ZNF804A: variants seen among roughly 807,000 people sequenced by gnomAD.
The protein encoded by ZNF804A is zinc finger protein 804A.
In ZNF804A, 2 loss-of-function variants were observed where a neutral mutation model predicts 16.5. The ratio of observed to expected loss-of-function variants is 0.12; its 90% CI spans 0.05 to 0.38. The LOEUF is 0.38. ZNF804A is among the 10% of genes least tolerant of loss of function. The pLI, the probability that ZNF804A is intolerant of heterozygous loss-of-function variation, is 0.99. For missense variants in ZNF804A, 1,473 were observed against 1,390.7 expected, an observed-to-expected ratio of 1.06 and a Z score of -0.94; for synonymous variants, 534 against 489.6, an observed-to-expected ratio of 1.09 and a Z score of -1.20.
rs143793857 is a variant in ZNF804A, at chr2:184,850,063, G to A, written c.112-16306G>A. ...TAGAGTAGAATGATGGTTACCAGCAGCAGGGAAGGGTAGTAGGGAGTGGGG... is the reference window on the plus strand; with the variant it reads ...TAGAGTAGAATGATGGTTACCAGCAACAGGGAAGGGTAGTAGGGAGTGGGG... On this transcript the variant is annotated intron_variant, in intron 1 of 3. Transcript: ENST00000302277. 9.1e-3 allele frequency among the ~76,000 whole-genome samples: 1,379 copies of A among 151,876 alleles called. 22 individuals carry two copies. The highest frequency in any genetic ancestry group is 0.032 in the African/African-American group (1,318 of 41,474).
In ZNF804A at chr2:184,859,858, G is replaced by A. The variant is rs554092306; in HGVS notation, c.112-6511G>A. ...TCCTGCTGCCTAGGTCAGGAGGTAG[G>A]TGGGCCTAGTACCTATGGCTTTCCT... On this transcript the variant is annotated intron_variant, in intron 1 of 3. Coordinates refer to ENST00000302277, the MANE Select transcript of ZNF804A (RefSeq NM_194250.2). 2.6e-5 allele frequency among the ~76,000 whole-genome samples: 4 copies of A among 152,338 alleles called. No individual in the cohort carries two copies. In the South Asian group the frequency reaches 8.3e-4, roughly 32 times the overall value.
intron 1 of ZNF804A, among the ~76,000 whole-genome samples, chr2:184,754,526 A>G (rs1693928364): frequency 6.6e-6 from 1 of 151,758 alleles, no homozygotes; most frequent in Non-Finnish European, 1.5e-5. Context: ...TATTTCAGCT[A>G]TTGGTTTCTT....
At chr2:184,659,472 T>C (rs115298305) in intron 1 of ZNF804A, among the ~76,000 whole-genome samples, 2,692 of 152,052 alleles carry the variant, frequency 0.018, 57 homozygotes, top group African/African-American at 0.061. Context: ...TATACCTATA[T>C]ATAAAACAAA....
chr2:184,920,438 G>A (rs756811934), intron 2 of ZNF804A, among the ~76,000 whole-genome samples: 2 of 152,078 alleles, frequency 1.3e-5, no homozygotes, highest in Non-Finnish European at 2.9e-5. Flanking sequence ...GTTACTTTAC[G>A]TTTCTTAAAT....
chr2:184,788,887 G>A (rs926362912), intron 1 of ZNF804A, among the ~76,000 whole-genome samples: 2 of 152,054 alleles, frequency 1.3e-5, no homozygotes. Context: ...AGTGGTGAGA[G>A]CAGACAGACA....
At position 184,866,413 on chromosome 2, in the gene ZNF804A, T is replaced by C; in HGVS notation, c.156T>C (p.Asp52=). Residue 52 remains aspartate, a synonymous_variant, in exon 2 of 4, where the codon GAT becomes GAC. Transcript: ENST00000302277. ...ATACCATAGCAAAAGCTCTGGAAGA[T>C]CTGAAGGCAAATTTTTACTGTGAAC... ...KENTIAKALE[D]LKANFYCELC... The C allele has an allele frequency of 6.2e-7, 1 of 1,613,276 alleles. No individual in the cohort carries two copies. Among genetic ancestry groups the C allele is most frequent in the African/African-American group, 1.3e-5 (1 of 74,978 alleles).
intron 2 of ZNF804A, among the ~76,000 whole-genome samples, chr2:184,879,558 G>C (rs1684773545): frequency 6.6e-6 from 1 of 152,018 alleles, no homozygotes; most frequent in African/African-American, 2.4e-5. Flanking sequence ...GTATGCAATA[G>C]AGTCAACTGA....
chr2:184,869,912 T>C (rs906094759), intron 2 of ZNF804A, among the ~76,000 whole-genome samples: 1 of 152,048 alleles, frequency 6.6e-6, no homozygotes, highest in Non-Finnish European at 1.5e-5. Context: ...CACTTATCAC[T>C]AAGACTTGCT....
intron 1 of ZNF804A, among the ~76,000 whole-genome samples, chr2:184,712,767 T>C (rs1693149616): frequency 6.6e-6 from 1 of 151,736 alleles, no homozygotes; most frequent in Non-Finnish European, 1.5e-5. Flanking sequence ...TCAAGCTTTC[T>C]GGTTCTTTCT....
chr2:184,857,589 ATAT>A (rs780938079), intron 1 of ZNF804A, among the ~76,000 whole-genome samples: 28 of 152,204 alleles, frequency 1.8e-4, no homozygotes, highest in Admixed American at 9.2e-4. Context: ...AATTTCTCTA[ATAT>A]TATTATATTA....
intron 1 of ZNF804A, among the ~76,000 whole-genome samples, chr2:184,799,026 G>A (rs780964423): frequency 6.6e-6 from 1 of 152,070 alleles, no homozygotes; most frequent in Non-Finnish European, 1.5e-5. Flanking sequence ...CACTCAGCAA[G>A]TCTCTCTGGT....
chr2:184,766,080 A>G (rs1361477806), intron 1 of ZNF804A, among the ~76,000 whole-genome samples: 1 of 152,164 alleles, frequency 6.6e-6, no homozygotes, highest in African/African-American at 2.4e-5. Flanking sequence ...ATTTTGCCCC[A>G]CAACATGTAT....
At chr2:184,934,070 T>C (rs915920371) in intron 3 of ZNF804A, among the ~76,000 whole-genome samples, 2 of 152,174 alleles carry the variant, frequency 1.3e-5, no homozygotes, top group African/African-American at 2.4e-5. Context: ...CAGTATCTTA[T>C]GACCCTTTTA....
chr2:184,779,883 A>G (rs1165419069), intron 1 of ZNF804A, among the ~76,000 whole-genome samples: 7 of 151,748 alleles, frequency 4.6e-5, no homozygotes, highest in Non-Finnish European at 1.0e-4. Flanking sequence ...TGTGATGTGT[A>G]AAATTGTTAC....
chr2:184,690,557 A>C (rs1279512422), intron 1 of ZNF804A, among the ~76,000 whole-genome samples: 1 of 152,040 alleles, frequency 6.6e-6, no homozygotes, highest in Non-Finnish European at 1.5e-5. Flanking sequence ...GAAATTTCTT[A>C]TGACCTCACA....
At chr2:184,743,141 A>T (rs1378771189) in intron 1 of ZNF804A, among the ~76,000 whole-genome samples, 2 of 151,952 alleles carry the variant, frequency 1.3e-5, no homozygotes, top group African/African-American at 4.8e-5. Context: ...AGTACTCTAT[A>T]TCTGTCTCTT....
At chr2:184,885,347 T>A in intron 2 of ZNF804A, among the ~76,000 whole-genome samples, 1 of 152,170 alleles carries the variant, frequency 6.6e-6, no homozygotes, top group Non-Finnish European at 1.5e-5. Context: ...GGGTATACAC[T>A]CAAAGGAATA....
Position 184,601,164 on chromosome 2 carries a change from T to A in ZNF804A, c.111+2094T>A, listed in dbSNP as rs549719269. Among the ~76,000 whole-genome samples, 3 of 152,236 alleles carry A rather than the reference T, an allele frequency of 2.0e-5. No individual in the cohort carries two copies. The South Asian group carries it at 6.2e-4, about 32-fold the overall frequency. On this transcript the variant is annotated intron_variant, in intron 1 of 3. Coordinates refer to ENST00000302277, the MANE Select transcript of ZNF804A (RefSeq NM_194250.2). ...ATGATGTGAATATATTTGAAACTACTGCTTTACAAGATAATATATTCATCT... is the reference window on the plus strand; with the variant it reads ...ATGATGTGAATATATTTGAAACTACAGCTTTACAAGATAATATATTCATCT...
chr2:184,843,162 A>C, intron 1 of ZNF804A, among the ~76,000 whole-genome samples: 1 of 152,156 alleles, frequency 6.6e-6, no homozygotes, highest in Admixed American at 6.6e-5. Flanking sequence ...AGCACAAGAG[A>C]TCACTCCATC....
Sources: gnomAD v4.1 joint callset for allele counts (sites outside exome capture counted in the v4.1 genomes callset) on GRCh38, gnomAD v4.1.1 for gene constraint, MANE v1.5 for transcripts, NCBI Gene and HGNC (gene_info 2026-07-23, HGNC 2026-07-21) for gene names.